Variants in MYLK3 observed in about 807,000 individuals in gnomAD.
The protein encoded by MYLK3 is MLC kinase.
Under a neutral mutation model 76.3 loss-of-function variants are expected in MYLK3, and 55 were observed. That is an observed-to-expected ratio of 0.72 (90% confidence interval 0.58 to 0.90). MYLK3 has a LOEUF of 0.90. Ranked by LOEUF, MYLK3 falls within the 40% of genes least tolerant of loss-of-function variation. The pLI is 0.00. For missense variants in MYLK3, 973 were observed against 1,053.6 expected, an observed-to-expected ratio of 0.92 and a Z score of 1.06; for synonymous variants, 416 against 425.4, an observed-to-expected ratio of 0.98 and a Z score of 0.27.
upstream of MYLK3, among the ~76,000 whole-genome samples, chr16:46,751,073 A>G (rs1451722151): frequency 6.6e-6 from 1 of 152,108 alleles, no homozygotes; most frequent in East Asian, 1.9e-4. Context: ...AAATGAATCC[A>G]GAGGAAAACA....
At chr16:46,713,446 G>A (rs1966705562) in intron 9 of MYLK3, among the ~76,000 whole-genome samples, 2 of 152,184 alleles carry the variant, frequency 1.3e-5, no homozygotes, top group South Asian at 4.1e-4. Context: ...CAATCTGCCT[G>A]TCTCAGCCTC....
At chr16:46,757,624 G>A (rs1212084361) in intron 1 of MYLK3, 2 of 983,552 alleles carry the variant, frequency 2.0e-6, no homozygotes, top group African/African-American at 3.5e-5. Context: ...TGATTTCTCT[G>A]GAAGAACTCA....
intron 5 of MYLK3, 120 bp from the exon 6 acceptor site, chr16:46,729,807 G>T: frequency 1.2e-6 from 1 of 822,678 alleles, no homozygotes; most frequent in Non-Finnish European, 2.0e-6. Context: ...ACATCCCAGA[G>T]TGCAGCCTGT....
intron 1 of MYLK3, among the ~76,000 whole-genome samples, chr16:46,755,556 A>T (rs577225879): frequency 6.6e-6 from 1 of 152,290 alleles, no homozygotes; most frequent in South Asian, 2.1e-4. Flanking sequence ...TCCCGGGGGA[A>T]AAAGAGTGTA....
At chr16:46,756,679 G>T (rs1967204799) in intron 1 of MYLK3, among the ~76,000 whole-genome samples, 1 of 152,192 alleles carries the variant, frequency 6.6e-6, no homozygotes, top group Non-Finnish European at 1.5e-5. Context: ...TGAGAGGAAA[G>T]TTTTCTAATT....
chr16:46,756,670 G>C (rs886912549), intron 1 of MYLK3, among the ~76,000 whole-genome samples: 2 of 152,226 alleles, frequency 1.3e-5, no homozygotes, highest in Non-Finnish European at 2.9e-5. Context: ...GCCACATGTT[G>C]AGAGGAAAGT....
At chr16:46,721,554 G>A (rs1966800000) in intron 8 of MYLK3, among the ~76,000 whole-genome samples, 1 of 152,162 alleles carries the variant, frequency 6.6e-6, no homozygotes, top group Non-Finnish European at 1.5e-5. Context: ...AAAAAACAGA[G>A]ATGGGGTCTC....
At position 46,732,640 on chromosome 16, in the gene MYLK3, T is replaced by C; in HGVS notation, c.1030A>G (p.Thr344Ala). 4 of 1,541,370 alleles carry C rather than the reference T, an allele frequency of 2.6e-6. No homozygotes were observed. Among genetic ancestry groups the C allele is most frequent in the South Asian group, 2.4e-5 (2 of 82,690 alleles). ...RISIHIQEMD[T>A]PGEMLMTGRG... ...CCTGTCATCAGCATCTCCCCAGGAG[T>C]ATCCATCTCTTGTATGTGGATGGAG... Residue 344 changes from threonine to alanine, a missense_variant, in exon 4 of 13, where the codon ACT becomes GCT. Thr to Ala is a moderately conservative substitution (Grantham distance 58, BLOSUM62 0). Around this residue, in one of 2 missense-constraint regions of MYLK3, gnomAD observed 641 missense variants for 637.0 expected, o/e 1.01. Coordinates refer to ENST00000394809, the MANE Select transcript of MYLK3 (RefSeq NM_182493.3).
At chr16:46,722,726 G>A (rs1209906651) in intron 8 of MYLK3, among the ~76,000 whole-genome samples, 2 of 151,956 alleles carry the variant, frequency 1.3e-5, no homozygotes, top group Non-Finnish European at 2.9e-5. Context: ...GGGTGGGGGT[G>A]GGGACAGAGT....
chr16:46,704,575 A>G lies in MYLK3; in HGVS notation c.*3129T>C, dbSNP rs554129968. ...ATTCTCTGGCCTCAGCCTCCCTAGT[A>G]GCTGGTAAAGTATCTCAATTTTATG... On this transcript the variant is annotated 3_prime_UTR_variant, in exon 13 of 13. Transcript: ENST00000394809. The G allele has an allele frequency of 8.9e-4, 135 of 152,246 alleles. No homozygotes were observed. The highest frequency in any genetic ancestry group is 3.2e-3 in the African/African-American group (133 of 41,538). The allele number at this position is 152,246 out of a possible 1,614,324, so 9.4% of individuals were successfully genotyped here. A position where few individuals can be genotyped will look rare whatever the true frequency, so the allele number is the denominator to read the frequency against.
At chr16:46,747,494 G>C (rs983229325) in intron 1 of MYLK3, among the ~76,000 whole-genome samples, 2 of 152,238 alleles carry the variant, frequency 1.3e-5, no homozygotes, top group African/African-American at 4.8e-5. Context: ...CTGCAGTCCT[G>C]GCCAGAGCCC....
At position 46,712,666 on chromosome 16, in the gene MYLK3, C is replaced by A. The variant is rs774291746; in HGVS notation, c.2096G>T (p.Gly699Val). The change falls in exon 10 of 13, where the codon GGA (glycine) becomes GTA (valine). Residue 699 changes from glycine (G) to valine (V), a missense_variant. Physicochemically the swap from Gly to Val is moderately radical, Grantham distance 109. Coordinates refer to ENST00000394809, the MANE Select transcript of MYLK3 (RefSeq NM_182493.3). The stretch of plus-strand genomic sequence containing the variant: ...CACTCACAGCATGTAGGTGATGACT[C>A]CCACACTCCACATGTCTGTGGGGAA... ...VSFPTDMWSV[G>V]VITYMLLSGL... 2 of 1,562,778 alleles carry A rather than the reference C, an allele frequency of 1.3e-6. No individual in the cohort carries two copies. The highest frequency in any genetic ancestry group is 2.4e-5 in the East Asian group (1 of 41,004).
chr16:46,762,341 T>G (rs1483868032), intron 1 of MYLK3, among the ~76,000 whole-genome samples: 1 of 152,190 alleles, frequency 6.6e-6, no homozygotes, highest in Non-Finnish European at 1.5e-5. Flanking sequence ...AATAAAAAAT[T>G]AAGTGTGTAG....
intron 9 of MYLK3, among the ~76,000 whole-genome samples, chr16:46,717,142 G>T (rs1056493805): frequency 6.6e-6 from 1 of 152,200 alleles, no homozygotes; most frequent in Non-Finnish European, 1.5e-5. Context: ...ACCACTGTCT[G>T]GGGGAAGAGA....
chr16:46,760,160 C>T (rs1967258379), intron 1 of MYLK3, among the ~76,000 whole-genome samples: 2 of 152,206 alleles, frequency 1.3e-5, no homozygotes, highest in African/African-American at 2.4e-5. Flanking sequence ...CCATTTCACT[C>T]GTGGAGAGAC....
rs749600468 is a variant in MYLK3 at position 46,705,580 on chromosome 16, C to T, written c.*2124G>A. 2 of 151,996 alleles carry T rather than the reference C, an allele frequency of 1.3e-5. No individual in the cohort carries two copies. Among genetic ancestry groups the T allele is most frequent in the Non-Finnish European group, 2.9e-5 (2 of 67,998 alleles). 9.4% of individuals were successfully genotyped at this position (151,996 alleles called of 1,614,324 possible). On this transcript the variant is annotated 3_prime_UTR_variant, in exon 13 of 13. Coordinates refer to ENST00000394809, the MANE Select transcript of MYLK3 (RefSeq NM_182493.3). ...CCTGAGGAAAAAAATGGGAATAGCA[C>T]AAAAATCATGTAGAAGTAAGGAAAT...
At chr16:46,728,998 G>T in intron 7 of MYLK3, 26 bp downstream of exon 7, 1 of 1,578,124 alleles carries the variant, frequency 6.3e-7, no homozygotes. Context: ...TTGAGCCGAG[G>T]CGGCCGCCCC....
chr16:46,721,514 G>A (rs1305221561), intron 8 of MYLK3, among the ~76,000 whole-genome samples: 1 of 152,134 alleles, frequency 6.6e-6, no homozygotes, highest in Non-Finnish European at 1.5e-5. Context: ...ATTCAGGGGT[G>A]TTTTGTTTGG....
chr16:46,758,288 ACACACACACACACACACTCTCTCT>A (rs1261018793), intron 1 of MYLK3, among the ~76,000 whole-genome samples: 2 of 56,310 alleles, frequency 3.6e-5, no homozygotes, highest in African/African-American at 8.3e-5. Context: ...ACACACACAC[ACACACACACACACACACTCTCTCT>A]CTCTCTCTCT....
Sources: allele counts gnomAD v4.1 joint callset (sites outside exome capture counted in the v4.1 genomes callset), GRCh38; gene constraint gnomAD v4.1.1; regional missense constraint gnomAD v4.1.1; transcripts MANE v1.5; gene names NCBI Gene and HGNC (gene_info 2026-07-23, HGNC 2026-07-21).